The following RBFOX1 variants were observed in gnomAD, a reference collection of about 807,000 sequenced individuals.
RBFOX1 encodes RNA binding protein fox-1 homolog 1.
RBFOX1 carries 8 observed loss-of-function variants against 57.7 expected under a neutral mutation model. The observed-to-expected ratio is 0.14, with a 90% confidence interval of 0.08 to 0.25. The LOEUF (loss-of-function observed/expected upper bound fraction) is 0.25. Ranked by LOEUF, RBFOX1 falls within the 10% of genes least tolerant of loss-of-function variation. The probability of loss-of-function intolerance (pLI) is 1.00; values close to 1 mark genes in which losing one functional copy is unlikely to be tolerated. For synonymous variants in RBFOX1, 326 were observed against 222.4 expected (o/e 1.47, Z -4.15); for missense variants, 611 against 548.5 (o/e 1.11, Z -1.14).
chr16:6,232,196 G>A (rs185926329), intron 1 of RBFOX1, among the ~76,000 whole-genome samples: 1 of 152,314 alleles, frequency 6.6e-6, no homozygotes, highest in Non-Finnish European at 1.5e-5. Flanking sequence ...CAGCAGAGAA[G>A]TGGTTTGCTT....
At chr16:7,234,239 T>C (rs144727916) in intron 4 of RBFOX1, among the ~76,000 whole-genome samples, 1 of 152,152 alleles carries the variant, frequency 6.6e-6, no homozygotes, top group Non-Finnish European at 1.5e-5. Flanking sequence ...CAGAGGTTAC[T>C]CAGGCCAGGT....
intron 3 of RBFOX1, among the ~76,000 whole-genome samples, chr16:6,798,289 G>A (rs907652334): frequency 6.6e-6 from 1 of 152,098 alleles, no homozygotes; most frequent in Admixed American, 6.5e-5. Context: ...AATCTGCATA[G>A]ATTGTATCTA....
intron 4 of RBFOX1, among the ~76,000 whole-genome samples, chr16:7,169,521 C>G (rs977083529): frequency 6.6e-6 from 1 of 152,112 alleles, no homozygotes; most frequent in Non-Finnish European, 1.5e-5. Context: ...CCTAATGTCC[C>G]CAGGAGGGTA....
chr16:5,875,728 T>G (rs1354761398), intron 4 of RBFOX1, among the ~76,000 whole-genome samples: 5 of 152,174 alleles, frequency 3.3e-5, no homozygotes, highest in Non-Finnish European at 7.3e-5. Flanking sequence ...TCTTCCTCTG[T>G]GAAAATTGAT....
intron 4 of RBFOX1, among the ~76,000 whole-genome samples, chr16:5,872,590 G>A (rs1344694025): frequency 6.6e-6 from 1 of 151,942 alleles, no homozygotes; most frequent in Non-Finnish European, 1.5e-5. Context: ...AAAAAAAATT[G>A]GCAGGTGTGG....
At chr16:7,100,863 A>G (rs529089897) in intron 4 of RBFOX1, among the ~76,000 whole-genome samples, 1 of 152,324 alleles carries the variant, frequency 6.6e-6, no homozygotes, top group South Asian at 2.1e-4. Context: ...GCAATACTAT[A>G]CTGAATGCTT....
At position 7,112,690 on chromosome 16, in the gene RBFOX1, GTCTC is replaced by G. The variant is rs143785090; in HGVS notation, c.27+60596_27+60599del. The stretch of plus-strand genomic sequence containing the variant: ...TGTGTGTGTGTGTGGGTGTGGGTGT[GTCTC>G]TCTGTCTGTCTGTCCGCAAATGGGT... On this transcript the variant is annotated intron_variant, in intron 4 of 15. Coordinates refer to ENST00000550418, the MANE Select transcript of RBFOX1 (RefSeq NM_018723.4). 4.1e-3 allele frequency among the ~76,000 whole-genome samples: 503 copies of G among 124,110 alleles called. 8 individuals are homozygous for G. The highest frequency in any genetic ancestry group is 0.02 in the East Asian group (83 of 4,176). 81.4% of individuals were successfully genotyped at this position (124,110 alleles called of 152,430 possible). A position where few individuals can be genotyped will look rare whatever the true frequency, so the allele number is the denominator to read the frequency against.
chr16:6,081,616 G>A (rs1368035213), intron 1 of RBFOX1, among the ~76,000 whole-genome samples: 2 of 152,162 alleles, frequency 1.3e-5, no homozygotes, highest in African/African-American at 4.8e-5. Flanking sequence ...CTTCCCGTGA[G>A]GTTGAACCTG....
intron 1 of RBFOX1, among the ~76,000 whole-genome samples, chr16:6,298,478 A>T (rs984961071): frequency 7.9e-5 from 12 of 152,228 alleles, no homozygotes; most frequent in Non-Finnish European, 1.6e-4. Context: ...TGCTTTGTTT[A>T]TAAGTTTTCA....
intron 3 of RBFOX1, among the ~76,000 whole-genome samples, chr16:6,932,004 C>G (rs978132950): frequency 6.6e-5 from 10 of 152,178 alleles, no homozygotes; most frequent in African/African-American, 2.2e-4. Flanking sequence ...CCAGTGAAAA[C>G]TAACTGACAC....
At chr16:7,179,804 G>A (rs140282162) in intron 4 of RBFOX1, among the ~76,000 whole-genome samples, 2,601 of 151,820 alleles carry the variant, frequency 0.017, 72 homozygotes, top group African/African-American at 0.059. Flanking sequence ...GCATGATCTC[G>A]GCTCACTGCA....
At chr16:6,537,528 T>C (rs1330987412) in intron 2 of RBFOX1, among the ~76,000 whole-genome samples, 31 of 152,166 alleles carry the variant, frequency 2.0e-4, no homozygotes, top group Admixed American at 2.0e-3. Flanking sequence ...TGTGATCGAG[T>C]TGCTGAGCTA....
chr16:5,935,191 C>G (rs2059143356), intron 4 of RBFOX1, among the ~76,000 whole-genome samples: 1 of 152,204 alleles, frequency 6.6e-6, no homozygotes, highest in African/African-American at 2.4e-5. Flanking sequence ...CCTGACCAAT[C>G]CCCTACAATC....
chr16:5,789,705 A>G (rs945211783), intron 3 of RBFOX1, among the ~76,000 whole-genome samples: 1 of 152,168 alleles, frequency 6.6e-6, no homozygotes, highest in Non-Finnish European at 1.5e-5. Context: ...TGATAAGAAG[A>G]TAGAAGCTCA....
chr16:6,116,270 G>C (rs1367569590), intron 1 of RBFOX1, among the ~76,000 whole-genome samples: 1 of 151,218 alleles, frequency 6.6e-6, no homozygotes, highest in African/African-American at 2.4e-5. Context: ...GGCCTGTCAG[G>C]GGGTGGGGGG....
chr16:5,991,645 GT>G (rs60004233), intron 4 of RBFOX1, among the ~76,000 whole-genome samples: 86,424 of 123,766 alleles, frequency 0.7, 27,526 homozygotes, highest in Middle Eastern at 0.79. Context: ...TTATTAGATA[GT>G]TTTTTTTTTT....
At position 6,060,127 on chromosome 16, in the gene RBFOX1, T is replaced by TTG. The variant is rs1567355577; in HGVS notation, c.-127+40136_-127+40137insGT. 5.6e-4 allele frequency among the ~76,000 whole-genome samples: 6 copies of TTG among 10,656 alleles called. No individual in the cohort carries two copies. The East Asian group carries it at 6.0e-3, about 11-fold the overall frequency. The allele number at this position is 10,656 out of a possible 152,430, so 7.0% of individuals were successfully genotyped here. A position where few individuals can be genotyped will look rare whatever the true frequency, so the allele number is the denominator to read the frequency against. ...GCCCTAAAATTAGGATTAGGGTTTT[T>TTG]TTTTTTTTTTTTTTTTTTTTTTTTT... On this transcript the variant is annotated intron_variant, in intron 1 of 15. Coordinates refer to ENST00000550418, the MANE Select transcript of RBFOX1 (RefSeq NM_018723.4).
At chr16:6,543,967 G>T (rs556992911) in intron 2 of RBFOX1, among the ~76,000 whole-genome samples, 109 of 152,268 alleles carry the variant, frequency 7.2e-4, no homozygotes, top group African/African-American at 2.6e-3. Flanking sequence ...TCTAAGAAAG[G>T]TATAAAGAGG....
intron 1 of RBFOX1, among the ~76,000 whole-genome samples, chr16:5,459,759 A>G (rs2068735561): frequency 1.3e-5 from 2 of 152,120 alleles, no homozygotes; most frequent in Admixed American, 6.6e-5. Context: ...ACGCACCTGC[A>G]TACATTCACA....
Sources: allele counts gnomAD v4.1 joint callset (sites outside exome capture counted in the v4.1 genomes callset), GRCh38; gene constraint gnomAD v4.1.1; transcripts MANE v1.5; gene names NCBI Gene and HGNC (gene_info 2026-07-23, HGNC 2026-07-21).